Variants in PRTG observed in about 807,000 individuals in gnomAD.
The protein encoded by PRTG is protogenin, also known as immunoglobulin superfamily, DCC subclass, member 5.
PRTG carries 67 observed loss-of-function variants against 122.5 expected under a neutral mutation model. The ratio of observed to expected loss-of-function variants is 0.55; its 90% CI spans 0.45 to 0.67. The LOEUF (loss-of-function observed/expected upper bound fraction) is 0.67, where lower values mean the gene tolerates loss of function less well. Ranked by LOEUF, PRTG falls within the 30% of genes least tolerant of loss-of-function variation. PRTG has a pLI of 0.00. For missense variants in PRTG, 1,435 were observed against 1,415.4 expected (o/e 1.01, Z -0.22); for synonymous variants, 554 against 501.1 (o/e 1.11, Z -1.41).
In PRTG at chr15:55,740,469, C is replaced by A. The variant is rs1477766508; in HGVS notation, c.310G>T (p.Glu104Ter). Residue 104 changes from glutamate to a stop codon, truncating the protein, a stop_gained, in exon 2 of 20, where the codon GAG becomes TAG. Transcript: ENST00000389286. LOFTEE classifies it high-confidence loss of function. ...TGATAAAATCCTTCATCGGACTGCTCTCCTCGCCTGCCTTCCACCTCACTG... is the reference window on the plus strand; with the variant it reads ...TGATAAAATCCTTCATCGGACTGCTATCCTCGCCTGCCTTCCACCTCACTG... ...YISEVEGRRG[E>*]QSDEGFYQCL... 1 of 1,614,180 alleles carries A rather than the reference C, an allele frequency of 6.2e-7. No individual in the cohort carries two copies. Among genetic ancestry groups the A allele is most frequent in the South Asian group, 1.1e-5 (1 of 91,080 alleles).
chr15:55,625,711 C>A (rs772039141), intron 17 of PRTG, among the ~76,000 whole-genome samples: 3 of 151,686 alleles, frequency 2.0e-5, no homozygotes, highest in Non-Finnish European at 2.9e-5. Context: ...GCAAGCTCCC[C>A]CTCCCGGGTT....
intron 11 of PRTG, among the ~76,000 whole-genome samples, chr15:55,657,542 A>G (rs2059387025): frequency 6.6e-6 from 1 of 152,206 alleles, no homozygotes; most frequent in Admixed American, 6.6e-5. Flanking sequence ...AATGATTTCA[A>G]TACATGTTCC....
chr15:55,613,005 C>A lies in PRTG; in HGVS notation c.*7007G>T, dbSNP rs2059127640. 3 of 151,936 alleles carry A rather than the reference C, an allele frequency of 2.0e-5. No homozygotes were observed. Among genetic ancestry groups the A allele is most frequent in the Admixed American group, 2.0e-4 (3 of 15,252 alleles). The allele number at this position is 151,936 out of a possible 1,614,324, so 9.4% of individuals were successfully genotyped here. On this transcript the variant is annotated 3_prime_UTR_variant, in exon 20 of 20. Transcript: ENST00000389286. ...CTGTAAAATCTTTCACAGCCTCATA[C>A]AAATGAGTTTCAGATTATGATTATT...
chr15:55,680,289 CA>C (rs2059530208), intron 5 of PRTG, 77 bp from the exon 6 acceptor site: 1 of 1,244,774 alleles, frequency 8.0e-7, no homozygotes, highest in African/African-American at 1.5e-5. Flanking sequence ...ACTATCCAAG[CA>C]ATCAATCATG....
intron 2 of PRTG, among the ~76,000 whole-genome samples, chr15:55,720,992 G>A (rs1412302040): frequency 1.3e-5 from 2 of 151,726 alleles, no homozygotes; most frequent in Non-Finnish European, 1.5e-5. Context: ...CGAAAACTAC[G>A]TTTTTCCCAG....
intron 11 of PRTG, among the ~76,000 whole-genome samples, chr15:55,659,257 C>T (rs556751226): frequency 6.6e-6 from 1 of 152,248 alleles, no homozygotes; most frequent in South Asian, 2.1e-4. Context: ...GTTAGGGAAC[C>T]CTCGTGGGAT....
intron 2 of PRTG, among the ~76,000 whole-genome samples, chr15:55,737,557 T>A (rs2031449873): frequency 6.6e-6 from 1 of 152,170 alleles, no homozygotes; most frequent in Non-Finnish European, 1.5e-5. Flanking sequence ...TGGCAATAAC[T>A]AACTTTGCAG....
intron 2 of PRTG, among the ~76,000 whole-genome samples, chr15:55,716,952 A>G (rs2030622644): frequency 6.6e-6 from 1 of 152,228 alleles, no homozygotes; most frequent in Admixed American, 6.5e-5. Context: ...AATGGAATTC[A>G]TGTCGAGGAA....
chr15:55,622,019 G>C (rs1182952570), intron 18 of PRTG, among the ~76,000 whole-genome samples: 1 of 151,938 alleles, frequency 6.6e-6, no homozygotes, highest in Admixed American at 6.6e-5. Flanking sequence ...TCAACTCTAG[G>C]GCTAACCCAA....
chr15:55,688,256 A>C (rs899669807), intron 2 of PRTG, among the ~76,000 whole-genome samples: 1 of 152,102 alleles, frequency 6.6e-6, no homozygotes, highest in Admixed American at 6.5e-5. Context: ...AACAGGGTCT[A>C]TGATACTACA....
intron 11 of PRTG, chr15:55,656,050 A>AT (rs1355957974): frequency 2.8e-5 from 5 of 176,524 alleles, no homozygotes; most frequent in African/African-American, 1.2e-4. Context: ...ATACTGTGAC[A>AT]TTTTCCCCCT....
intron 2 of PRTG, among the ~76,000 whole-genome samples, chr15:55,684,210 A>C (rs2059557600): frequency 6.6e-6 from 1 of 152,218 alleles, no homozygotes; most frequent in South Asian, 2.1e-4. Context: ...AACAAAAATA[A>C]ACAATGGTAT....
chr15:55,667,681 C>T (rs1013603929), intron 11 of PRTG, among the ~76,000 whole-genome samples: 2 of 152,184 alleles, frequency 1.3e-5, no homozygotes, highest in African/African-American at 4.8e-5. Context: ...AATTTGTACT[C>T]ACACTTTCGT....
At chr15:55,622,778 C>T (rs1224315138) in intron 18 of PRTG, among the ~76,000 whole-genome samples, 1 of 152,020 alleles carries the variant, frequency 6.6e-6, no homozygotes, top group Non-Finnish European at 1.5e-5. Flanking sequence ...TCAGGTGATA[C>T]ACCCACCTTG....
At chr15:55,718,141 C>A (rs1267535803) in intron 2 of PRTG, among the ~76,000 whole-genome samples, 1 of 152,188 alleles carries the variant, frequency 6.6e-6, no homozygotes, top group African/African-American at 2.4e-5. Flanking sequence ...CACACCTAAC[C>A]TAAAACCTAA....
intron 18 of PRTG, among the ~76,000 whole-genome samples, chr15:55,621,570 A>G (rs1302234828): frequency 4.0e-5 from 6 of 148,892 alleles, no homozygotes; most frequent in Admixed American, 1.3e-4. Context: ...GAGGCAGGAG[A>G]ATGGTGTGAA....
intron 5 of PRTG, 76 bp from the exon 6 acceptor site, chr15:55,680,288 GCAAT>G (rs2059530196): frequency 7.2e-6 from 9 of 1,248,250 alleles, no homozygotes; most frequent in South Asian, 2.8e-5. Flanking sequence ...CACTATCCAA[GCAAT>G]CAATCATGAA....
chr15:55,650,787 A>G (rs1001976243), intron 11 of PRTG, among the ~76,000 whole-genome samples: 3 of 152,034 alleles, frequency 2.0e-5, no homozygotes, highest in African/African-American at 7.2e-5. Context: ...CAACACAGCA[A>G]AGCCCCCGTC....
chr15:55,644,102 G>A (rs1253230176), intron 11 of PRTG, among the ~76,000 whole-genome samples: 8 of 152,130 alleles, frequency 5.3e-5, no homozygotes, highest in Admixed American at 5.2e-4. Context: ...GCCTCACAAA[G>A]TGCTGGGATT....
Sources: allele counts gnomAD v4.1 joint callset (sites outside exome capture counted in the v4.1 genomes callset), GRCh38; gene constraint gnomAD v4.1.1; transcripts MANE v1.5; gene names NCBI Gene and HGNC (gene_info 2026-07-23, HGNC 2026-07-21).